The following KCNQ5 variants were observed in gnomAD, a reference collection of about 807,000 sequenced individuals.
KCNQ5 encodes potassium voltage-gated channel subfamily Q member 5, also known as potassium voltage-gated channel subfamily KQT member 5.
A neutral mutation model predicts 98.2 loss-of-function variants in KCNQ5; 30 were observed. That is an observed-to-expected ratio of 0.31 (90% CI 0.23 to 0.41). The LOEUF is 0.41. Among genes scored for constraint, KCNQ5 ranks in the 10% least tolerant of loss-of-function variants. The pLI is 1.00. For synonymous variants in KCNQ5, 458 were observed against 449.4 expected, an observed-to-expected ratio of 1.02 and a Z score of -0.24; for missense variants, 835 against 1,182.5, an observed-to-expected ratio of 0.71 and a Z score of 4.31.
intron 1 of KCNQ5, among the ~76,000 whole-genome samples, chr6:72,659,771 A>C (rs1216026302): frequency 6.6e-6 from 1 of 152,218 alleles, no homozygotes; most frequent in African/African-American, 2.4e-5. Flanking sequence ...TAGGAGACGG[A>C]TTGTCAATAT....
intron 1 of KCNQ5, among the ~76,000 whole-genome samples, chr6:73,001,138 CT>C (rs1444911690): frequency 6.6e-6 from 1 of 152,048 alleles, no homozygotes; most frequent in African/African-American, 2.4e-5. Context: ...CAAACACCAT[CT>C]TTTTTTTGGA....
At chr6:73,109,219 A>G (rs1030192190) in intron 6 of KCNQ5, among the ~76,000 whole-genome samples, 3 of 152,344 alleles carry the variant, frequency 2.0e-5, no homozygotes, top group East Asian at 3.9e-4. Context: ...GAGCAATGCC[A>G]ATGTGATTTT....
intron 1 of KCNQ5, among the ~76,000 whole-genome samples, chr6:72,742,405 C>T (rs1250831405): frequency 6.6e-6 from 1 of 152,162 alleles, no homozygotes; most frequent in African/African-American, 2.4e-5. Flanking sequence ...TTGATCTGCT[C>T]ACATATACAA....
At chr6:72,734,874 G>A (rs1037311409) in intron 1 of KCNQ5, among the ~76,000 whole-genome samples, 13 of 152,140 alleles carry the variant, frequency 8.5e-5, no homozygotes, top group African/African-American at 2.9e-4. Flanking sequence ...CAAGAGACTA[G>A]ATTGCTTGTT....
At chr6:72,749,144 A>G (rs1017555091) in intron 1 of KCNQ5, among the ~76,000 whole-genome samples, 2 of 152,172 alleles carry the variant, frequency 1.3e-5, no homozygotes, top group African/African-American at 4.8e-5. Flanking sequence ...ATAGAACCTT[A>G]CAATTCTGAG....
chr6:72,735,700 GTAGT>G (rs1408514862), intron 1 of KCNQ5, among the ~76,000 whole-genome samples: 6 of 151,958 alleles, frequency 3.9e-5, no homozygotes, highest in African/African-American at 1.2e-4. Flanking sequence ...TTGGTGACTA[GTAGT>G]TAGAAGGGTC....
At chr6:72,886,410 A>C (rs941498183) in intron 1 of KCNQ5, among the ~76,000 whole-genome samples, 4 of 152,326 alleles carry the variant, frequency 2.6e-5, no homozygotes, top group African/African-American at 9.6e-5. Flanking sequence ...GAAATTACCC[A>C]GAATGCAATA....
At chr6:73,017,155 G>C (rs938837365) in intron 2 of KCNQ5, among the ~76,000 whole-genome samples, 2 of 152,080 alleles carry the variant, frequency 1.3e-5, no homozygotes, top group Non-Finnish European at 2.9e-5. Flanking sequence ...AATGAATAAG[G>C]CATCGCCCTG....
intron 5 of KCNQ5, among the ~76,000 whole-genome samples, chr6:73,093,724 C>A (rs568936871): frequency 9.2e-5 from 14 of 152,088 alleles, no homozygotes; most frequent in Non-Finnish European, 1.6e-4. Flanking sequence ...TTTGAAAGTT[C>A]ATTTTGGAGT....
At chr6:72,957,523 A>G (rs1767141293) in intron 1 of KCNQ5, among the ~76,000 whole-genome samples, 1 of 152,046 alleles carries the variant, frequency 6.6e-6, no homozygotes, top group Admixed American at 6.5e-5. Flanking sequence ...AGGGATTCCA[A>G]TTTACTTTCA....
chr6:72,966,278 G>A (rs528764085), intron 1 of KCNQ5, among the ~76,000 whole-genome samples: 1 of 152,174 alleles, frequency 6.6e-6, no homozygotes, highest in South Asian at 2.1e-4. Flanking sequence ...AGAAAAGCAG[G>A]CTAGGTGTGG....
intron 1 of KCNQ5, among the ~76,000 whole-genome samples, chr6:72,900,365 CTT>C (rs1226941483): frequency 6.9e-6 from 1 of 145,758 alleles, no homozygotes; most frequent in Non-Finnish European, 1.5e-5. Context: ...TATAAAGAAA[CTT>C]TATATATATA....
At chr6:72,885,867 G>C (rs983018758) in intron 1 of KCNQ5, among the ~76,000 whole-genome samples, 1 of 152,184 alleles carries the variant, frequency 6.6e-6, no homozygotes, top group African/African-American at 2.4e-5. Context: ...CTCAGAAAGG[G>C]AGAGACTAAA....
intron 11 of KCNQ5, among the ~76,000 whole-genome samples, chr6:73,184,720 A>G (rs1223332988): frequency 1.3e-5 from 2 of 152,246 alleles, no homozygotes. Flanking sequence ...TGGTTAGGAA[A>G]GATTTCCTAG....
chr6:73,130,784 C>T (rs1280665876), intron 9 of KCNQ5, among the ~76,000 whole-genome samples: 3 of 152,142 alleles, frequency 2.0e-5, no homozygotes, highest in Non-Finnish European at 2.9e-5. Flanking sequence ...TGTAAGAGGA[C>T]ACAAGAACAG....
chr6:72,737,467 G>A (rs1269631426), intron 1 of KCNQ5, among the ~76,000 whole-genome samples: 1 of 151,738 alleles, frequency 6.6e-6, no homozygotes, highest in East Asian at 1.9e-4. Context: ...AAACACAGGT[G>A]ATTTTTTTTT....
intron 1 of KCNQ5, among the ~76,000 whole-genome samples, chr6:72,747,968 C>T (rs1306054912): frequency 1.3e-5 from 2 of 152,244 alleles, no homozygotes; most frequent in South Asian, 4.2e-4. Context: ...CATTTCACAT[C>T]ATTTCCTTAG....
At chr6:72,694,366 GTCTGA>G (rs1768375813) in intron 1 of KCNQ5, among the ~76,000 whole-genome samples, 2 of 152,150 alleles carry the variant, frequency 1.3e-5, no homozygotes, top group Non-Finnish European at 2.9e-5. Context: ...TGTTATTTTG[GTCTGA>G]AGGCTTGATA....
At chr6:72,764,751 C>T (rs748844982) in intron 1 of KCNQ5, among the ~76,000 whole-genome samples, 29 of 151,856 alleles carry the variant, frequency 1.9e-4, no homozygotes, top group African/African-American at 5.8e-4. Flanking sequence ...CCTACTTCCC[C>T]CTGCCCCCAG....
Sources: allele counts gnomAD v4.1 joint callset (sites outside exome capture counted in the v4.1 genomes callset), GRCh38; gene constraint gnomAD v4.1.1; transcripts MANE v1.5; gene names NCBI Gene and HGNC (gene_info 2026-07-23, HGNC 2026-07-21).